Variants in NKAIN3 observed in about 807,000 individuals in gnomAD.
NKAIN3 encodes sodium/potassium transporting ATPase interacting 3, also known as sodium/potassium-transporting ATPase subunit beta-1-interacting protein 3.
A neutral mutation model predicts 30.2 loss-of-function variants in NKAIN3; 25 were observed. That is an observed-to-expected ratio of 0.83 (90% CI 0.60 to 1.16). NKAIN3 has a LOEUF of 1.16. NKAIN3 is among the 50% of genes most tolerant of loss of function. The pLI, the probability that NKAIN3 is intolerant of heterozygous loss-of-function variation, is 0.00. For missense variants in NKAIN3, 225 were observed against 254.1 expected (o/e 0.89, Z 0.78); for synonymous variants, 91 against 89.6 (o/e 1.02, Z -0.09).
chr8:62,397,303 C>T (rs1817795277), intron 1 of NKAIN3, among the ~76,000 whole-genome samples: 1 of 150,568 alleles, frequency 6.6e-6, no homozygotes, highest in South Asian at 2.1e-4. Context: ...TAAAATTCAC[C>T]TTTTTTTTTC....
intron 3 of NKAIN3, among the ~76,000 whole-genome samples, chr8:62,733,453 G>C (rs1265973029): frequency 2.0e-5 from 3 of 152,156 alleles, no homozygotes; most frequent in Non-Finnish European, 4.4e-5. Flanking sequence ...ATATTTCTGA[G>C]TTAAATCAGC....
At chr8:62,749,565 C>G (rs949314245) in intron 4 of NKAIN3, among the ~76,000 whole-genome samples, 28 of 151,796 alleles carry the variant, frequency 1.8e-4, no homozygotes, top group Non-Finnish European at 3.7e-4. Context: ...GAAATTGTTT[C>G]ACAACTATCC....
chr8:62,616,157 G>C (rs188835278), intron 3 of NKAIN3, among the ~76,000 whole-genome samples: 244 of 151,412 alleles, frequency 1.6e-3, no homozygotes, highest in Non-Finnish European at 2.6e-3. Context: ...TTTTTTTTCT[G>C]ACTCTAACCC....
chr8:62,472,316 G>C (rs546195699), intron 1 of NKAIN3, among the ~76,000 whole-genome samples: 91 of 152,302 alleles, frequency 6.0e-4, no homozygotes, highest in Middle Eastern at 6.8e-3. Flanking sequence ...AGGTGAAGCT[G>C]AGTGGGGAAG....
intron 1 of NKAIN3, among the ~76,000 whole-genome samples, chr8:62,257,322 A>G (rs1210349209): frequency 6.6e-6 from 1 of 152,190 alleles, no homozygotes; most frequent in Non-Finnish European, 1.5e-5. Flanking sequence ...TATAACATCC[A>G]TCAGACCTTT....
At chr8:62,326,503 G>A (rs1248603896) in intron 1 of NKAIN3, among the ~76,000 whole-genome samples, 1 of 151,602 alleles carries the variant, frequency 6.6e-6, no homozygotes, top group Non-Finnish European at 1.5e-5. Context: ...TGAGAGATGA[G>A]GATCCAGTTT....
intron 1 of NKAIN3, among the ~76,000 whole-genome samples, chr8:62,342,235 C>CAAAAAAAAAAAAAAAAAAAAAAAAA (rs3058285): frequency 8.0e-6 from 1 of 124,768 alleles, no homozygotes; most frequent in Admixed American, 8.1e-5. Context: ...ACCACTGAAC[C>CAAAAAAAAAAAAAAAAAAAAAAAAA]AAAAAAAAAA....
Position 62,983,440 on chromosome 8 carries a change from G to C in NKAIN3, c.*18033G>C, listed in dbSNP as rs1377410739. The C allele has an allele frequency of 2.0e-5, 3 of 152,288 alleles. No homozygotes were observed. The East Asian group carries it at 5.8e-4, about 29-fold the overall frequency. 9.4% of individuals were successfully genotyped at this position (152,288 alleles called of 1,614,324 possible). On this transcript the variant is annotated 3_prime_UTR_variant, in exon 7 of 7. Coordinates refer to ENST00000623646, the MANE Select transcript of NKAIN3 (RefSeq NM_001304533.3). ...GAGAGCCCATTTGCAACCCTCTTCT[G>C]TCTCCCTAAGCATTCAACAAACACT...
At chr8:62,925,530 C>T (rs1323907294) in intron 5 of NKAIN3, among the ~76,000 whole-genome samples, 1 of 152,142 alleles carries the variant, frequency 6.6e-6, no homozygotes, top group African/African-American at 2.4e-5. Flanking sequence ...AACTTGAGAC[C>T]AGCAAGCAGA....
chr8:62,985,606 T>C (rs764037851), downstream of NKAIN3, among the ~76,000 whole-genome samples: 12 of 152,212 alleles, frequency 7.9e-5, no homozygotes, highest in Admixed American at 3.3e-4. Context: ...AAAGAACACT[T>C]TATTCTTTAC....
intron 1 of NKAIN3, among the ~76,000 whole-genome samples, chr8:62,324,393 A>G (rs1815045480): frequency 6.6e-6 from 1 of 152,168 alleles, no homozygotes; most frequent in Non-Finnish European, 1.5e-5. Flanking sequence ...TATAAGTAAT[A>G]AAATTACATT....
chr8:62,272,579 T>G (rs1812812374), intron 1 of NKAIN3, among the ~76,000 whole-genome samples: 1 of 152,216 alleles, frequency 6.6e-6, no homozygotes, highest in African/African-American at 2.4e-5. Context: ...CAAATTGTAC[T>G]CAGTACCAGC....
intron 4 of NKAIN3, among the ~76,000 whole-genome samples, chr8:62,879,305 G>GCAGAC (rs1563609231): frequency 7.9e-5 from 12 of 152,276 alleles, no homozygotes; most frequent in Admixed American, 7.8e-4. Context: ...CTGCATAAAT[G>GCAGAC]TCTTCTTTTG....
intron 3 of NKAIN3, among the ~76,000 whole-genome samples, chr8:62,705,848 G>C (rs1022859066): frequency 2.6e-5 from 4 of 152,090 alleles, no homozygotes; most frequent in African/African-American, 9.7e-5. Flanking sequence ...TCCCTGCATA[G>C]TGTTTCCTCC....
At chr8:62,877,285 C>T (rs1266308567) in intron 4 of NKAIN3, among the ~76,000 whole-genome samples, 1 of 152,222 alleles carries the variant, frequency 6.6e-6, no homozygotes, top group Non-Finnish European at 1.5e-5. Flanking sequence ...TTCTTCAAGT[C>T]TCCCCCAATA....
At chr8:62,425,028 G>A (rs1411957258) in intron 1 of NKAIN3, among the ~76,000 whole-genome samples, 2 of 151,770 alleles carry the variant, frequency 1.3e-5, no homozygotes, top group African/African-American at 2.4e-5. Flanking sequence ...AGGGAAATAA[G>A]CCAGATACAG....
At chr8:62,383,177 G>C (rs565903506) in intron 1 of NKAIN3, among the ~76,000 whole-genome samples, 1 of 152,064 alleles carries the variant, frequency 6.6e-6, no homozygotes, top group Non-Finnish European at 1.5e-5. Context: ...ACTTTAAAAG[G>C]CAGTCCCCTA....
intron 1 of NKAIN3, among the ~76,000 whole-genome samples, chr8:62,555,237 C>A (rs1809350749): frequency 6.6e-6 from 1 of 151,606 alleles, no homozygotes; most frequent in Non-Finnish European, 1.5e-5. Flanking sequence ...CATAAAGAAC[C>A]AAGGTATCAT....
At chr8:62,476,389 G>C (rs4738979) in intron 1 of NKAIN3, among the ~76,000 whole-genome samples, 1 of 151,852 alleles carries the variant, frequency 6.6e-6, no homozygotes. Context: ...TTGTAGACCC[G>C]TGCACATGTT....
Sources: allele counts gnomAD v4.1 joint callset (sites outside exome capture counted in the v4.1 genomes callset), GRCh38; gene constraint gnomAD v4.1.1; transcripts MANE v1.5; gene names NCBI Gene and HGNC (gene_info 2026-07-23, HGNC 2026-07-21).